Variants in TRPM7 observed in about 807,000 individuals in gnomAD.
TRPM7 encodes transient receptor potential cation channel subfamily M member 7.
In TRPM7, 134 loss-of-function variants were observed where a neutral mutation model predicts 229.7. That is an observed-to-expected ratio of 0.58 (90% CI 0.51 to 0.67). TRPM7 has a LOEUF of 0.67. TRPM7 is among the 30% of genes least tolerant of loss of function. The pLI is 0.00. For synonymous variants in TRPM7, 699 were observed against 715.2 expected, an observed-to-expected ratio of 0.98 and a Z score of 0.36; for missense variants, 1,901 against 2,210.0, an observed-to-expected ratio of 0.86 and a Z score of 2.80.
Position 50,561,481 on chromosome 15 carries a change from G to A in TRPM7, c.*197C>T. ...CAATTACCTTTAAAATTTCTCAGCT[G>A]CCAGCTCTATCCTATAGGGACTTTC... On this transcript the variant is annotated 3_prime_UTR_variant, in exon 39 of 39. Transcript: ENST00000646667. The A allele has an allele frequency of 1.9e-6, 1 of 517,836 alleles. No homozygotes were observed. The highest frequency in any genetic ancestry group is 3.3e-6 in the Non-Finnish European group (1 of 303,464). 32.1% of individuals were successfully genotyped at this position (517,836 alleles called of 1,614,324 possible).
At chr15:50,604,533 T>C in intron 21 of TRPM7, 1 of 154,966 alleles carries the variant, frequency 6.5e-6, no homozygotes, top group Non-Finnish European at 1.4e-5. Context: ...ATAGTGCCAT[T>C]GCACTCCAGC....
chr15:50,681,110 G>A (rs1313541122), intron 1 of TRPM7, among the ~76,000 whole-genome samples: 1 of 152,096 alleles, frequency 6.6e-6, no homozygotes, highest in Non-Finnish European at 1.5e-5. Context: ...AATTAGCCGG[G>A]CATGGTAGCA....
chr15:50,672,882 G>A (rs1177884343), intron 1 of TRPM7, among the ~76,000 whole-genome samples: 3 of 109,322 alleles, frequency 2.7e-5, no homozygotes, highest in African/African-American at 1.1e-4. Context: ...CAGGGTGACA[G>A]AGTGAGACTC....
At chr15:50,593,810 A>AT in intron 24 of TRPM7, 61 bp from the exon 25 acceptor site, 1 of 1,508,756 alleles carries the variant, frequency 6.6e-7, no homozygotes, top group South Asian at 1.3e-5. Flanking sequence ...ACTTTAGCTC[A>AT]TAATTCTTAC....
intron 12 of TRPM7, among the ~76,000 whole-genome samples, chr15:50,620,160 C>A (rs2060348026): frequency 6.6e-6 from 1 of 152,134 alleles, no homozygotes; most frequent in Non-Finnish European, 1.5e-5. Context: ...CATATTGAGA[C>A]TTTAAATATT....
At chr15:50,570,726 G>A (rs923154442) in intron 36 of TRPM7, among the ~76,000 whole-genome samples, 11 of 148,530 alleles carry the variant, frequency 7.4e-5, no homozygotes, top group South Asian at 4.3e-4. Flanking sequence ...GGTGGGGGGC[G>A]CCTGTAGTCC....
chr15:50,686,704 G>T lies in TRPM7; in HGVS notation c.-171C>A. On this transcript the variant is annotated 5_prime_UTR_variant, in exon 1 of 39. Transcript: ENST00000646667. ...CTCAGCTCCGGCGCTAGCAGCAGAAGCCGAGTCTTTCATAATTGTGCGACC... is the reference window on the plus strand; with the variant it reads ...CTCAGCTCCGGCGCTAGCAGCAGAATCCGAGTCTTTCATAATTGTGCGACC... The T allele has an allele frequency of 1.2e-6, 1 of 841,744 alleles. No individual in the cohort carries two copies. Among genetic ancestry groups the T allele is most frequent in the Non-Finnish European group, 1.8e-6 (1 of 565,040 alleles). The allele number at this position is 841,744 out of a possible 1,614,324, so 52.1% of individuals were successfully genotyped here.
chr15:50,632,772 C>T, intron 9 of TRPM7, 97 bp downstream of exon 9: 2 of 1,183,966 alleles, frequency 1.7e-6, no homozygotes, highest in Non-Finnish European at 2.3e-6. Flanking sequence ...GTTTAAAATC[C>T]AAATAAAAAC....
At chr15:50,642,320 T>A (rs933342220) in intron 5 of TRPM7, among the ~76,000 whole-genome samples, 1 of 152,336 alleles carries the variant, frequency 6.6e-6, no homozygotes, top group South Asian at 2.1e-4. Context: ...GGGTATACCA[T>A]CTCTGTCACA....
intron 21 of TRPM7, among the ~76,000 whole-genome samples, chr15:50,602,352 G>C (rs1345952883): frequency 6.6e-6 from 1 of 152,030 alleles, no homozygotes; most frequent in African/African-American, 2.4e-5. Context: ...TTGGACACAG[G>C]GTAGGGAACA....
intron 7 of TRPM7, among the ~76,000 whole-genome samples, chr15:50,635,303 C>T (rs111582264): frequency 2.8e-5 from 3 of 106,790 alleles, no homozygotes; most frequent in African/African-American, 1.1e-4. Flanking sequence ...GGTGACAGAG[C>T]GAGACTCCCT....
At chr15:50,637,292 G>C in intron 7 of TRPM7, 130 bp downstream of exon 7, 1 of 787,156 alleles carries the variant, frequency 1.3e-6, no homozygotes, top group South Asian at 2.1e-5. Context: ...ATCAACCACT[G>C]TTGGTTGTTT....
chr15:50,664,458 AAT>A (rs1325242003), intron 1 of TRPM7, among the ~76,000 whole-genome samples: 1 of 152,214 alleles, frequency 6.6e-6, no homozygotes, highest in African/African-American at 2.4e-5. Flanking sequence ...TTAGAAGAAA[AAT>A]AGTGTCAGAA....
At chr15:50,623,998 G>C (rs763219243) in intron 12 of TRPM7, among the ~76,000 whole-genome samples, 168 bp downstream of exon 12, 3 of 152,076 alleles carry the variant, frequency 2.0e-5, no homozygotes, top group Non-Finnish European at 4.4e-5. Flanking sequence ...AACAAGGAAA[G>C]GGTTTCAGAC....
intron 3 of TRPM7, among the ~76,000 whole-genome samples, chr15:50,649,664 G>A (rs2061363008): frequency 1.3e-5 from 2 of 152,104 alleles, no homozygotes; most frequent in African/African-American, 4.8e-5. Flanking sequence ...GGTGTCTGAG[G>A]CTGGGGTACA....
chr15:50,646,245 G>C (rs1314294584), intron 4 of TRPM7, among the ~76,000 whole-genome samples: 1 of 152,098 alleles, frequency 6.6e-6, no homozygotes, highest in Non-Finnish European at 1.5e-5. Context: ...AGAACACGGA[G>C]GCAGGCAGAA....
chr15:50,660,180 A>C (rs987847063), intron 2 of TRPM7, among the ~76,000 whole-genome samples: 1 of 152,220 alleles, frequency 6.6e-6, no homozygotes, highest in African/African-American at 2.4e-5. Context: ...GTAAGAAATC[A>C]GAATAAATCA....
intron 19 of TRPM7, among the ~76,000 whole-genome samples, chr15:50,608,964 C>T (rs901926051): frequency 2.6e-5 from 4 of 152,170 alleles, no homozygotes; most frequent in African/African-American, 9.6e-5. Context: ...ACAACCAAAA[C>T]AACACATAAA....
intron 1 of TRPM7, among the ~76,000 whole-genome samples, chr15:50,679,712 T>C (rs1042452947): frequency 3.3e-5 from 5 of 150,638 alleles, no homozygotes; most frequent in African/African-American, 1.2e-4. Flanking sequence ...ATTTTTATAT[T>C]TTTAGTAGAG....
Sources: allele counts gnomAD v4.1 joint callset (sites outside exome capture counted in the v4.1 genomes callset), GRCh38; gene constraint gnomAD v4.1.1; transcripts MANE v1.5; gene names NCBI Gene and HGNC (gene_info 2026-07-23, HGNC 2026-07-21).